Variants in GAD2 observed in about 807,000 individuals in gnomAD.
The protein encoded by GAD2 is 65 kDa glutamic acid decarboxylase.
In GAD2, 22 loss-of-function variants were observed where a neutral mutation model predicts 80.1. That is an observed-to-expected ratio of 0.27 (90% CI 0.20 to 0.39). GAD2 has a LOEUF of 0.39. Among genes scored for constraint, GAD2 ranks in the 10% least tolerant of loss-of-function variants. GAD2 has a pLI of 1.00. For missense variants in GAD2, 624 were observed against 738.4 expected (o/e 0.85, Z 1.80); for synonymous variants, 274 against 256.9 (o/e 1.07, Z -0.64).
intron 7 of GAD2, among the ~76,000 whole-genome samples, chr10:26,235,187 T>C (rs1242046847): frequency 6.6e-6 from 1 of 152,224 alleles, no homozygotes; most frequent in Admixed American, 6.5e-5. Flanking sequence ...TTAGTTATTC[T>C]TGTGCTAATT....
intron 8 of GAD2, among the ~76,000 whole-genome samples, chr10:26,248,450 G>C (rs188594216): frequency 5.3e-5 from 8 of 152,238 alleles, no homozygotes; most frequent in African/African-American, 1.9e-4. Context: ...TGAGGTTTAC[G>C]TACCAGCCAA....
intron 8 of GAD2, among the ~76,000 whole-genome samples, chr10:26,250,981 G>A (rs1589144132): frequency 2.1e-5 from 3 of 142,856 alleles, no homozygotes; most frequent in Admixed American, 7.3e-5. Flanking sequence ...CTGGATTCAC[G>A]CCATTCTCCC....
chr10:26,219,564 A>G (rs1202748611), intron 4 of GAD2, among the ~76,000 whole-genome samples: 2 of 152,242 alleles, frequency 1.3e-5, no homozygotes, highest in Non-Finnish European at 2.9e-5. Context: ...CTGGTATAGA[A>G]GCAAATATTC....
At chr10:26,242,921 G>A (rs921697824) in intron 7 of GAD2, among the ~76,000 whole-genome samples, 3 of 152,132 alleles carry the variant, frequency 2.0e-5, no homozygotes, top group Non-Finnish European at 4.4e-5. Flanking sequence ...TAATTTGAGT[G>A]GCTTGCATGT....
At position 26,286,362 on chromosome 10, in the gene GAD2, C is replaced by T. The variant is rs541628164; in HGVS notation, c.1254C>T (p.Cys418=). 6.2e-7 allele frequency: 1 copy of T among 1,613,476 alleles called. No individual in the cohort carries two copies. The highest frequency in any genetic ancestry group is 1.3e-5 in the African/African-American group (1 of 75,012). Residue 418 remains cysteine, a synonymous_variant, in exon 13 of 16, where the codon TGC becomes TGT. Coordinates refer to ENST00000376261, the MANE Select transcript of GAD2 (RefSeq NM_001134366.2). ...LVREEGLMQN[C]NQMHASYLFQ... is the part of the protein sequence containing the mutation. Reference sequence around the variant, plus strand: ...TCTTGTAGGGATTGATGCAGAATTGCAACCAAATGCATGCCTCCTACCTCT... The same window carrying T: ...TCTTGTAGGGATTGATGCAGAATTGTAACCAAATGCATGCCTCCTACCTCT...
rs559501890 is a variant in GAD2 at position 26,232,371 on chromosome 10, T to C, written c.840+2594T>C. On this transcript the variant is annotated intron_variant, in intron 7 of 15. Coordinates refer to ENST00000376261, the MANE Select transcript of GAD2 (RefSeq NM_001134366.2). ...ATGAGCTTCTCAGCCTCATGCTTTA[T>C]GTAAATTGACTGAGACTTGATCAGG... Among the ~76,000 whole-genome samples, 11 of 152,292 alleles carry C rather than the reference T, an allele frequency of 7.2e-5. No individual in the cohort carries two copies. In the South Asian group the frequency reaches 1.7e-3, roughly 23 times the overall value.
intron 9 of GAD2, 118 bp from the exon 10 acceptor site, chr10:26,270,522 C>T: frequency 1.3e-6 from 1 of 768,846 alleles, no homozygotes; most frequent in Admixed American, 1.9e-5. Context: ...AACTCTGCTG[C>T]TGCTTCCTCA....
At chr10:26,223,662 C>T (rs541915273) in intron 4 of GAD2, among the ~76,000 whole-genome samples, 3 of 150,606 alleles carry the variant, frequency 2.0e-5, no homozygotes, top group South Asian at 2.1e-4. Flanking sequence ...AAGTAGTCTT[C>T]GTGGTTAGAG....
At chr10:26,237,998 TCACACAGACACACACACACA>T (rs1243364248) in intron 7 of GAD2, among the ~76,000 whole-genome samples, 1 of 117,592 alleles carries the variant, frequency 8.5e-6, no homozygotes, top group East Asian at 2.4e-4. Flanking sequence ...CGAGACTCCA[TCACACAGACACACACACACA>T]CACACACACA....
At chr10:26,270,541 C>A (rs766711268) in intron 9 of GAD2, 99 bp from the exon 10 acceptor site, 16 of 850,172 alleles carry the variant, frequency 1.9e-5, no homozygotes, top group Non-Finnish European at 3.2e-5. Flanking sequence ...CAAATTCAGA[C>A]GTGTCTGTTA....
chr10:26,300,733 A>C (rs772147110), intron 15 of GAD2, 55 bp from the exon 16 acceptor site: 88 of 1,542,772 alleles, frequency 5.7e-5, no homozygotes, highest in Non-Finnish European at 7.7e-5. Context: ...GGGTTCTTTG[A>C]CTCAGGGGAG....
At chr10:26,251,646 A>G (rs138176531) in intron 8 of GAD2, among the ~76,000 whole-genome samples, 2 of 152,362 alleles carry the variant, frequency 1.3e-5, no homozygotes, top group East Asian at 1.9e-4. Context: ...CATTTAGGAC[A>G]ATTTCTTTCT....
intron 10 of GAD2, 87 bp from the exon 11 acceptor site, chr10:26,273,549 G>A: frequency 8.7e-7 from 1 of 1,151,120 alleles, no homozygotes; most frequent in Non-Finnish European, 1.3e-6. Context: ...CTGGGGTCAA[G>A]ATCATTTTCA....
chr10:26,247,143 A>T (rs1564661656), intron 8 of GAD2, among the ~76,000 whole-genome samples: 1 of 152,198 alleles, frequency 6.6e-6, no homozygotes, highest in African/African-American at 2.4e-5. Flanking sequence ...CTGGTTGCCC[A>T]TTTTTATAGT....
chr10:26,292,347 T>C, intron 13 of GAD2, 118 bp from the exon 14 acceptor site: 2 of 713,838 alleles, frequency 2.8e-6, no homozygotes, highest in Non-Finnish European at 4.8e-6. Flanking sequence ...CAGCCTTGTG[T>C]TGAGAAAGTG....
intron 11 of GAD2, among the ~76,000 whole-genome samples, chr10:26,275,472 C>T (rs145077593): frequency 2.8e-4 from 43 of 152,302 alleles, no homozygotes; most frequent in African/African-American, 9.4e-4. Flanking sequence ...CCTCTTATTG[C>T]CGCAATTCTT....
chr10:26,221,673 G>T (rs1844453535), intron 4 of GAD2, among the ~76,000 whole-genome samples: 1 of 152,204 alleles, frequency 6.6e-6, no homozygotes, highest in African/African-American at 2.4e-5. Context: ...GTTGCCTGAG[G>T]CTGGTTGTTC....
intron 12 of GAD2, among the ~76,000 whole-genome samples, chr10:26,284,094 T>C (rs1845302056): frequency 6.6e-6 from 1 of 152,192 alleles, no homozygotes; most frequent in South Asian, 2.1e-4. Context: ...TGAGGAGGAA[T>C]AGAGTAAACG....
intron 8 of GAD2, among the ~76,000 whole-genome samples, chr10:26,247,900 AAAAAAAAAAAAAGGAAAAG>A (rs1844828931): frequency 8.7e-6 from 1 of 114,458 alleles, no homozygotes; most frequent in South Asian, 3.3e-4. Flanking sequence ...CATCTCAAAA[AAAAAAAAAAAAAGGAAAAG>A]AAAAAAAAAA....
Sources: gnomAD v4.1 joint callset for allele counts (sites outside exome capture counted in the v4.1 genomes callset) on GRCh38, gnomAD v4.1.1 for gene constraint, MANE v1.5 for transcripts, NCBI Gene and HGNC (gene_info 2026-07-23, HGNC 2026-07-21) for gene names.